The following POLI variants were observed in gnomAD, a reference collection of about 807,000 sequenced individuals.
POLI encodes the protein RAD30 homolog B.
A neutral mutation model predicts 51.6 loss-of-function variants in POLI; 58 were observed. The ratio of observed to expected loss-of-function variants is 1.12; its 90% CI spans 0.91 to 1.40. POLI has a LOEUF of 1.40. POLI is among the 40% of genes most tolerant of loss of function. POLI has a pLI of 0.00. For synonymous variants in POLI, 322 were observed against 299.7 expected (o/e 1.07, Z -0.77); for missense variants, 921 against 871.3 (o/e 1.06, Z -0.72).
chr18:54,277,577 T>G (rs1239559060), intron 3 of POLI, 126 bp from the exon 4 acceptor site: 1 of 577,220 alleles, frequency 1.7e-6, no homozygotes, highest in Non-Finnish European at 3.0e-6. Flanking sequence ...TTAAAGATAT[T>G]ATGGAACTAT....
At chr18:54,299,501 A>G (rs187446557), downstream of POLI, among the ~76,000 whole-genome samples, 343 of 152,340 alleles carry the variant, frequency 2.3e-3, 3 homozygotes, top group African/African-American at 8.1e-3. Flanking sequence ...ATCATACTGC[A>G]TATCAGTCAC....
intron 3 of POLI, among the ~76,000 whole-genome samples, chr18:54,315,318 G>A (rs2088719762): frequency 6.6e-6 from 1 of 152,138 alleles, no homozygotes. Flanking sequence ...ACTGTGGTCT[G>A]AGAGTGTGCT....
rs562929762 is a variant in POLI at position 54,296,301 on chromosome 18, A to G, written c.*1834A>G. 2.0e-6 allele frequency: 2 copies of G among 985,304 alleles called. No homozygotes were observed. Among genetic ancestry groups the G allele is most frequent in the Non-Finnish European group, 2.4e-6 (2 of 829,814 alleles). 61.0% of individuals were successfully genotyped at this position (985,304 alleles called of 1,614,324 possible). ...GAGAAAGCAAAATAGTTAAAAATAC[A>G]TTTCATAGATTGAGAATGTACGGGC... On this transcript the variant is annotated 3_prime_UTR_variant, in exon 10 of 10. Coordinates refer to ENST00000579534, the MANE Select transcript of POLI (RefSeq NM_007195.3).
intron 2 of POLI, 22 bp downstream of exon 2, chr18:54,271,507 T>G: frequency 6.8e-7 from 1 of 1,475,096 alleles, no homozygotes; most frequent in Non-Finnish European, 9.3e-7. Flanking sequence ...TTTATAATAT[T>G]TTTAATTGCA....
intron 4 of POLI, among the ~76,000 whole-genome samples, chr18:54,280,189 A>T (rs1346023990): frequency 6.6e-6 from 1 of 152,318 alleles, no homozygotes; most frequent in Middle Eastern, 3.4e-3. Context: ...AAAGAAAAAA[A>T]GGTTTATTTG....
rs1471472160 is a variant in POLI at position 54,294,765 on chromosome 18, T to C, written c.*298T>C. On this transcript the variant is annotated 3_prime_UTR_variant, in exon 10 of 10. Transcript: ENST00000579534. ...ATGAATTGGTGGGGAGATGTATATG[T>C]TTATATATAAAAAATAGCCAAATCG... 1.0e-6 allele frequency: 1 copy of C among 994,954 alleles called. No homozygotes were observed. Among genetic ancestry groups the C allele is most frequent in the Non-Finnish European group, 1.2e-6 (1 of 831,274 alleles). 61.6% of individuals were successfully genotyped at this position (994,954 alleles called of 1,614,324 possible). A position where few individuals can be genotyped will look rare whatever the true frequency, so the allele number is the denominator to read the frequency against.
At chr18:54,300,967 A>G (rs1490721303), downstream of POLI, among the ~76,000 whole-genome samples, 1 of 152,160 alleles carries the variant, frequency 6.6e-6, no homozygotes, top group African/African-American at 2.4e-5. Flanking sequence ...GCAAGGGGAA[A>G]AATATCCACA....
rs764235679 is a variant in POLI at position 54,295,628 on chromosome 18, C to T, written c.*1161C>T. ...TCTTCTAGGTCTGAAATTTTCTTTT[C>T]TTTCTTTTTTTGTTTTGGAGACAGA... On this transcript the variant is annotated 3_prime_UTR_variant, in exon 10 of 10. Coordinates refer to ENST00000579534, the MANE Select transcript of POLI (RefSeq NM_007195.3). The T allele has an allele frequency of 1.9e-4, 132 of 689,716 alleles. No individual in the cohort carries two copies. Among genetic ancestry groups the T allele is most frequent in the Non-Finnish European group, 2.2e-4 (126 of 561,230 alleles). The allele number at this position is 689,716 out of a possible 1,614,324, so 42.7% of individuals were successfully genotyped here. A position where few individuals can be genotyped will look rare whatever the true frequency, so the allele number is the denominator to read the frequency against.
chr18:54,279,632 G>A, intron 4 of POLI, among the ~76,000 whole-genome samples: 1 of 152,100 alleles, frequency 6.6e-6, no homozygotes, highest in Admixed American at 6.6e-5. Flanking sequence ...TTGGTTGGTT[G>A]ATGAGCTATT....
At chr18:54,308,873 C>A (rs982235311) in intron 3 of POLI, among the ~76,000 whole-genome samples, 5 of 152,092 alleles carry the variant, frequency 3.3e-5, no homozygotes, top group African/African-American at 1.2e-4. Context: ...TTGATCGAAT[C>A]GGCTACTGAA....
intron 3 of POLI, among the ~76,000 whole-genome samples, chr18:54,313,023 G>T (rs2088688246): frequency 6.6e-6 from 1 of 152,084 alleles, no homozygotes. Flanking sequence ...TAAACTCTTT[G>T]CCAATGCCAA....
intron 1 of POLI, chr18:54,269,908 G>A: frequency 8.1e-7 from 1 of 1,227,426 alleles, no homozygotes; most frequent in East Asian, 3.4e-5. Context: ...TATCTGCGCC[G>A]TCCTTTCCTC....
intron 3 of POLI, among the ~76,000 whole-genome samples, chr18:54,312,817 G>A (rs1197780777): frequency 6.6e-6 from 1 of 151,876 alleles, no homozygotes; most frequent in East Asian, 1.9e-4. Context: ...TTGTTTGCTT[G>A]TTGATTTAAA....
rs565690073 is a variant in POLI, at chr18:54,286,591, C to T, written c.1068-690C>T. ...TGAAAAAAGTTCTTTTGTTATTTTT[C>T]ACTTATTTGCTTTTGTCAGTGAATG... On this transcript the variant is annotated intron_variant, in intron 7 of 9. Transcript: ENST00000579534. Among the ~76,000 whole-genome samples, 3 of 151,784 alleles carry T rather than the reference C, an allele frequency of 2.0e-5. No individual in the cohort carries two copies. The Middle Eastern group carries it at 0.01, about 516-fold the overall frequency.
chr18:54,313,594 T>C (rs760638739), intron 3 of POLI, among the ~76,000 whole-genome samples: 1 of 152,232 alleles, frequency 6.6e-6, no homozygotes, highest in Non-Finnish European at 1.5e-5. Flanking sequence ...GAGCATGGAA[T>C]GTGTTTCCAT....
At chr18:54,303,895 A>T (rs1330701806) in intron 3 of POLI, among the ~76,000 whole-genome samples, 2 of 151,750 alleles carry the variant, frequency 1.3e-5, no homozygotes, top group African/African-American at 2.4e-5. Context: ...TATTTCTCCT[A>T]ATGCTATCCC....
intron 1 of POLI, 32 bp downstream of exon 1, chr18:54,269,693 C>T (rs1225935991): frequency 1.3e-6 from 2 of 1,483,848 alleles, no homozygotes; most frequent in African/African-American, 1.5e-5. Flanking sequence ...CAGCGGCCTC[C>T]TTGGGTGTAA....
Position 54,284,360 on chromosome 18 carries a change from G to A in POLI, c.1067+347G>A, listed in dbSNP as rs542541752. 9.2e-5 allele frequency among the ~76,000 whole-genome samples: 14 copies of A among 152,232 alleles called. No individual in the cohort carries two copies. In the East Asian group the frequency reaches 2.7e-3, roughly 29 times the overall value. ...GAAGAAGTTTTAATTTTTCCCTGTG[G>A]CAATTGCAAAGCCTCTGCCCTCAAC... On this transcript the variant is annotated intron_variant, in intron 7 of 9. Transcript: ENST00000579534.
intron 3 of POLI, among the ~76,000 whole-genome samples, chr18:54,312,976 T>A (rs149672926): frequency 0.18 from 26,795 of 152,228 alleles, 2,525 homozygotes; most frequent in Middle Eastern, 0.25. Flanking sequence ...CTTGTCAATT[T>A]TTGTTTTCAT....
Sources: allele counts gnomAD v4.1 joint callset (sites outside exome capture counted in the v4.1 genomes callset), GRCh38; gene constraint gnomAD v4.1.1; transcripts MANE v1.5; gene names NCBI Gene and HGNC (gene_info 2026-07-23, HGNC 2026-07-21).